Variants in EPHA6 observed in about 807,000 individuals in gnomAD.
EPHA6 encodes ephrin type-A receptor 6.
EPHA6 carries 50 observed loss-of-function variants against 112.0 expected under a neutral mutation model. The ratio of observed to expected loss-of-function variants is 0.45; its 90% confidence interval spans 0.36 to 0.56. The LOEUF is 0.56. Ranked by LOEUF, EPHA6 falls within the 20% of genes least tolerant of loss-of-function variation. EPHA6 has a pLI of 0.00. For missense variants in EPHA6, 1,280 were observed against 1,417.4 expected (o/e 0.90, Z 1.56); for synonymous variants, 529 against 490.7 (o/e 1.08, Z -1.03).
intron 3 of EPHA6, among the ~76,000 whole-genome samples, chr3:97,202,535 T>C (rs74772492): frequency 8.5e-5 from 13 of 152,082 alleles, no homozygotes; most frequent in Non-Finnish European, 1.6e-4. Flanking sequence ...GGTTTTGCCA[T>C]GCTGGCCAGG....
intron 3 of EPHA6, among the ~76,000 whole-genome samples, chr3:96,994,879 T>G (rs1436540016): frequency 6.6e-6 from 1 of 151,626 alleles, no homozygotes; most frequent in Non-Finnish European, 1.5e-5. Context: ...TATATATATA[T>G]GTATCACTCA....
intron 7 of EPHA6, among the ~76,000 whole-genome samples, chr3:97,449,317 A>G (rs998986669): frequency 1.3e-5 from 2 of 152,104 alleles, no homozygotes; most frequent in African/African-American, 4.8e-5. Flanking sequence ...CAGCTTTACC[A>G]ATGAACTCTT....
intron 3 of EPHA6, among the ~76,000 whole-genome samples, chr3:97,185,983 G>A (rs1253938935): frequency 6.8e-6 from 1 of 146,676 alleles, no homozygotes; most frequent in African/African-American, 2.5e-5. Flanking sequence ...AACACTGCAT[G>A]TTCTCACTCA....
At chr3:97,505,375 T>G (rs2092223384) in intron 10 of EPHA6, among the ~76,000 whole-genome samples, 2 of 151,706 alleles carry the variant, frequency 1.3e-5, no homozygotes, top group South Asian at 4.2e-4. Context: ...TGTGTGATGT[T>G]TGCCTCCCTG....
intron 3 of EPHA6, among the ~76,000 whole-genome samples, chr3:97,158,423 G>A (rs147063277): frequency 6.6e-6 from 1 of 152,190 alleles, no homozygotes; most frequent in African/African-American, 2.4e-5. Flanking sequence ...TCTTTAGCAG[G>A]CACCTCAAGT....
intron 2 of EPHA6, among the ~76,000 whole-genome samples, chr3:96,975,966 G>T (rs1166251580): frequency 6.6e-6 from 1 of 152,110 alleles, no homozygotes; most frequent in Non-Finnish European, 1.5e-5. Context: ...ACATGTGATT[G>T]AGGAGTTGTA....
intron 5 of EPHA6, among the ~76,000 whole-genome samples, chr3:97,275,555 A>AT (rs2108650485): frequency 6.6e-6 from 1 of 152,254 alleles, no homozygotes; most frequent in Non-Finnish European, 1.5e-5. Flanking sequence ...AGGCAAAACA[A>AT]TTTGGTTGAT....
intron 5 of EPHA6, among the ~76,000 whole-genome samples, chr3:97,402,673 C>T (rs2087067171): frequency 6.6e-6 from 1 of 152,014 alleles, no homozygotes; most frequent in African/African-American, 2.4e-5. Flanking sequence ...CGACATTATT[C>T]ATTTCTGTTT....
chr3:97,106,002 C>A (rs1391544924), intron 3 of EPHA6, among the ~76,000 whole-genome samples: 1 of 151,896 alleles, frequency 6.6e-6, no homozygotes, highest in Non-Finnish European at 1.5e-5. Context: ...GTTTGCTTGG[C>A]AGATTTTCCA....
intron 5 of EPHA6, among the ~76,000 whole-genome samples, chr3:97,364,476 T>G (rs936232838): frequency 6.6e-6 from 1 of 151,964 alleles, no homozygotes; most frequent in Non-Finnish European, 1.5e-5. Context: ...GTATTCTTTA[T>G]GTAACACAGT....
chr3:96,945,142 T>C (rs1385330560), intron 2 of EPHA6, among the ~76,000 whole-genome samples: 1 of 152,212 alleles, frequency 6.6e-6, no homozygotes, highest in Non-Finnish European at 1.5e-5. Context: ...CTTAAAAATA[T>C]ATCCAGAATT....
chr3:97,244,524 A>C, intron 5 of EPHA6: 1 of 508,406 alleles, frequency 2.0e-6, no homozygotes, highest in South Asian at 3.8e-5. Context: ...TTATGTACTC[A>C]TGTATTTTGT....
chr3:97,740,617 G>A (rs2035462422), intron 16 of EPHA6, among the ~76,000 whole-genome samples: 1 of 152,068 alleles, frequency 6.6e-6, no homozygotes, highest in South Asian at 2.1e-4. Flanking sequence ...TGTGAATCAT[G>A]AAGGTAGGGA....
At chr3:97,070,273 A>G (rs1277853143) in intron 3 of EPHA6, among the ~76,000 whole-genome samples, 6 of 152,162 alleles carry the variant, frequency 3.9e-5, no homozygotes, top group Non-Finnish European at 1.5e-5. Context: ...AGTGCCTGGA[A>G]CATAGTCAGC....
intron 3 of EPHA6, among the ~76,000 whole-genome samples, chr3:97,101,800 A>G (rs2047411461): frequency 6.6e-6 from 1 of 152,110 alleles, no homozygotes; most frequent in Non-Finnish European, 1.5e-5. Flanking sequence ...GATTGATTAA[A>G]TATCTTCTTA....
intron 4 of EPHA6, among the ~76,000 whole-genome samples, chr3:97,231,177 A>G (rs1279052629): frequency 6.6e-6 from 1 of 152,154 alleles, no homozygotes; most frequent in African/African-American, 2.4e-5. Flanking sequence ...GATCTCCTAC[A>G]TTGTTATCAA....
intron 13 of EPHA6, among the ~76,000 whole-genome samples, chr3:97,616,406 G>C (rs562500857): frequency 5.8e-4 from 89 of 152,198 alleles, no homozygotes; most frequent in African/African-American, 2.0e-3. Flanking sequence ...CTCCAGCAAG[G>C]GTTCAGAACT....
In EPHA6 at chr3:97,428,006, A is replaced by T. The variant is rs1190018227; in HGVS notation, c.1732-20562A>T. Among the ~76,000 whole-genome samples the T allele has an allele frequency of 2.0e-5, 3 of 152,140 alleles. No homozygotes were observed. In the East Asian group the frequency reaches 5.8e-4, roughly 29 times the overall value. ...AATCTATACCCCAAATCCCTGCAAC[A>T]CACAATTTATGTAACAAACCTGCAC... On this transcript the variant is annotated intron_variant, in intron 6 of 17. Transcript: ENST00000389672.
chr3:97,548,110 C>T (rs745383878), intron 11 of EPHA6, among the ~76,000 whole-genome samples: 38 of 152,186 alleles, frequency 2.5e-4, no homozygotes, highest in Admixed American at 6.5e-4. Context: ...GTGAGATGAA[C>T]CCGGTTCCTC....
Sources: gnomAD v4.1 joint callset for allele counts (sites outside exome capture counted in the v4.1 genomes callset) on GRCh38, gnomAD v4.1.1 for gene constraint, MANE v1.5 for transcripts, NCBI Gene and HGNC (gene_info 2026-07-23, HGNC 2026-07-21) for gene names.